Variants in PCDHGA8 observed in about 807,000 individuals in gnomAD.
PCDHGA8 encodes protocadherin gamma-A8.
A neutral mutation model predicts 59.2 loss-of-function variants in PCDHGA8; 45 were observed. The observed-to-expected ratio is 0.76, with a 90% CI of 0.60 to 0.98. The LOEUF is 0.98. Among genes scored for constraint, PCDHGA8 ranks in the 50% least tolerant of loss-of-function variants. The pLI, the probability that PCDHGA8 is intolerant of heterozygous loss-of-function variation, is 0.00. For missense variants in PCDHGA8, 1,257 were observed against 1,196.2 expected, an observed-to-expected ratio of 1.05 and a Z score of -0.75; for synonymous variants, 531 against 519.0, an observed-to-expected ratio of 1.02 and a Z score of -0.32.
At chr5:141,466,095 C>T (rs1170423552) in intron 1 of PCDHGA8, among the ~76,000 whole-genome samples, 1 of 152,038 alleles carries the variant, frequency 6.6e-6, no homozygotes, top group African/African-American at 2.4e-5. Flanking sequence ...GCACTCCAGC[C>T]TGGGCAACAG....
chr5:141,417,893 G>T (rs766340497), intron 1 of PCDHGA8: 2 of 1,572,670 alleles, frequency 1.3e-6, no homozygotes, highest in Admixed American at 1.9e-5. Flanking sequence ...GCGCCGGGCC[G>T]GCCCGCGGCA....
rs984222446 is a variant in PCDHGA8 at position 141,493,942 on chromosome 5, G to T, written c.2425-865G>T. ...ACACACCCCCTGGAAAGACCAGAAG[G>T]GACTCAGGAATGAAGTGGCTGGCCA... On this transcript the variant is annotated intron_variant, in intron 1 of 3. Transcript: ENST00000398604. The surrounding 1 kb of genome is among the most constrained non-coding windows in gnomAD (Gnocchi z 4.3). Among the ~76,000 whole-genome samples the T allele has an allele frequency of 1.3e-5, 2 of 152,168 alleles. No individual in the cohort carries two copies. Among genetic ancestry groups the T allele is most frequent in the Non-Finnish European group, 1.5e-5 (1 of 68,022 alleles).
In PCDHGA8 at chr5:141,432,958, A is replaced by C; in HGVS notation, c.2424+37721A>C. 6.2e-7 allele frequency: 1 copy of C among 1,614,182 alleles called. No individual in the cohort carries two copies. Among genetic ancestry groups the C allele is most frequent in the African/African-American group, 1.3e-5 (1 of 75,056 alleles). On this transcript the variant is annotated intron_variant, in intron 1 of 3. Transcript: ENST00000398604. This position sits in a 1 kb window ranked among gnomAD's most constrained non-coding sequence, Gnocchi z 6.0. ...TGCAGGCTTCAGGAGGCGGCTTGAC[A>C]GGAGCGCCGGCGTCGCACTTTGTGG...
chr5:141,509,873 G>C (rs2099878704), intron 3 of PCDHGA8, among the ~76,000 whole-genome samples: 1 of 152,196 alleles, frequency 6.6e-6, no homozygotes, highest in South Asian at 2.1e-4. Flanking sequence ...CAAGCTGCTG[G>C]TGGTGATGGT....
Position 141,399,846 on chromosome 5 carries a change from G to T in PCDHGA8, c.2424+4609G>T, listed in dbSNP as rs377634920. 19 of 1,612,980 alleles carry T rather than the reference G, an allele frequency of 1.2e-5. No homozygotes were observed. The highest frequency in any genetic ancestry group is 5.3e-5 in the African/African-American group (4 of 75,050). On this transcript the variant is annotated intron_variant, in intron 1 of 3. Transcript: ENST00000398604. ...CCGACGGCTCTGCGCTCTTCGATAT[G>T]GTGCCGCGCGCTGCAGAGCCCGGCT...
rs1201654822 is a variant in PCDHGA8, at chr5:141,476,876, C to T, written c.2425-17931C>T. ...CCAGTCCTTGTACCGGGCGCGCGTC[C>T]TGGAGGATGCACCCTCCGGCACGCG... On this transcript the variant is annotated intron_variant, in intron 1 of 3. Transcript: ENST00000398604. The surrounding 1 kb of genome is among the most constrained non-coding windows in gnomAD (Gnocchi z 7.6). 6.2e-7 allele frequency: 1 copy of T among 1,613,876 alleles called. No homozygotes were observed. The highest frequency in any genetic ancestry group is 1.7e-5 in the Admixed American group (1 of 60,018).
intron 1 of PCDHGA8, among the ~76,000 whole-genome samples, chr5:141,467,665 G>T (rs1205474808): frequency 4.6e-5 from 7 of 152,040 alleles, no homozygotes; most frequent in Non-Finnish European, 1.0e-4. Flanking sequence ...AGTGCCAGAA[G>T]ATTTTTATTT....
intron 1 of PCDHGA8, chr5:141,416,320 A>G (rs1482631457): frequency 1.3e-5 from 2 of 152,208 alleles, no homozygotes; most frequent in East Asian, 1.9e-4. Flanking sequence ...TAGCATTTTA[A>G]TTTAACTTTC....
Position 141,490,721 on chromosome 5 carries a change from T to C in PCDHGA8, c.2425-4086T>C, listed in dbSNP as rs779242781. On this transcript the variant is annotated intron_variant, in intron 1 of 3. Coordinates refer to ENST00000398604, the MANE Select transcript of PCDHGA8 (RefSeq NM_032088.2). This position sits in a 1 kb window ranked among gnomAD's most constrained non-coding sequence, Gnocchi z 5.4. The stretch of plus-strand genomic sequence containing the variant: ...AATGCCCGCCTCACCTACTCCATTG[T>C]AGGAAATCAGGTTCAGGGAGCCCCA... 23 of 1,614,056 alleles carry C rather than the reference T, an allele frequency of 1.4e-5. No individual in the cohort carries two copies. The highest frequency in any genetic ancestry group is 6.6e-5 in the South Asian group (6 of 91,080).
chr5:141,431,776 C>T lies in PCDHGA8; in HGVS notation c.2424+36539C>T. 6.2e-7 allele frequency: 1 copy of T among 1,614,228 alleles called. No individual in the cohort carries two copies. The stretch of plus-strand genomic sequence containing the variant: ...CCAAAGTCCTGATCACTGTTCTGGA[C>T]GTGAACGACAATGCCCCAGAAGTGG... On this transcript the variant is annotated intron_variant, in intron 1 of 3. Coordinates refer to ENST00000398604, the MANE Select transcript of PCDHGA8 (RefSeq NM_032088.2). The surrounding 1 kb of genome is among the most constrained non-coding windows in gnomAD (Gnocchi z 4.8).
intron 2 of PCDHGA8, among the ~76,000 whole-genome samples, chr5:141,501,306 C>T (rs1016823458): frequency 5.3e-5 from 8 of 151,412 alleles, no homozygotes; most frequent in Non-Finnish European, 8.8e-5. Context: ...CACACACACA[C>T]ACACACACAC....
rs779656906 is a variant in PCDHGA8 at position 141,476,872 on chromosome 5, C to T, written c.2425-17935C>T. On this transcript the variant is annotated intron_variant, in intron 1 of 3. Transcript: ENST00000398604. The surrounding 1 kb of genome is among the most constrained non-coding windows in gnomAD (Gnocchi z 7.6). ...TCAACCAGTCCTTGTACCGGGCGCG[C>T]GTCCTGGAGGATGCACCCTCCGGCA... 1.6e-4 allele frequency: 254 copies of T among 1,613,734 alleles called. No individual in the cohort carries two copies. The highest frequency in any genetic ancestry group is 2.1e-4 in the Non-Finnish European group (248 of 1,180,054).
rs1036126623 is a variant in PCDHGA8, at chr5:141,410,753, T to A, written c.2424+15516T>A. On this transcript the variant is annotated intron_variant, in intron 1 of 3. Transcript: ENST00000398604. ...AGCTTTTTACAATATTTTCTCAATG[T>A]TTTTTCAATTATAGTTTTCACTATG... 4.1e-6 allele frequency: 5 copies of A among 1,229,696 alleles called. No individual in the cohort carries two copies. In the African/African-American group the frequency reaches 6.1e-5, roughly 15 times the overall value. 76.2% of individuals were successfully genotyped at this position (1,229,696 alleles called of 1,614,324 possible). A position where few individuals can be genotyped will look rare whatever the true frequency, so the allele number is the denominator to read the frequency against.
intron 3 of PCDHGA8, among the ~76,000 whole-genome samples, chr5:141,509,685 A>G (rs923641083): frequency 6.6e-6 from 1 of 152,166 alleles, no homozygotes. Flanking sequence ...TCTTCTGTAC[A>G]GTGGGACGTT....
At chr5:141,397,216 T>C (rs772120141) in intron 1 of PCDHGA8, among the ~76,000 whole-genome samples, 32 of 152,186 alleles carry the variant, frequency 2.1e-4, no homozygotes, top group Non-Finnish European at 4.1e-4. Context: ...AGAGAAGTAT[T>C]TTGAGATATG....
chr5:141,465,454 T>G (rs1031876441), intron 1 of PCDHGA8, among the ~76,000 whole-genome samples: 1 of 152,184 alleles, frequency 6.6e-6, no homozygotes, highest in African/African-American at 2.4e-5. Context: ...AAGAAAACTC[T>G]CACCAAATTG....
At position 141,393,909 on chromosome 5, in the gene PCDHGA8, A is replaced by G. The variant is rs2092874602; in HGVS notation, c.1096A>G (p.Ile366Val). 6.2e-7 allele frequency: 1 copy of G among 1,613,980 alleles called. No homozygotes were observed. The highest frequency in any genetic ancestry group is 8.5e-7 in the Non-Finnish European group (1 of 1,179,884). Residue 366 changes from isoleucine to valine, a missense_variant, in exon 1 of 4, where the codon ATT becomes GTT. By Grantham distance (29) the Ile-to-Val change is conservative. Transcript: ENST00000398604. ...VLENSLPGTV[I>V]AFLSVHDQDS... Reference sequence around the variant, plus strand: ...AGAAAATTCTCTTCCCGGGACAGTAATTGCCTTCTTGAGTGTGCATGACCA... The same window carrying G: ...AGAAAATTCTCTTCCCGGGACAGTAGTTGCCTTCTTGAGTGTGCATGACCA...
At position 141,394,897 on chromosome 5, in the gene PCDHGA8, T is replaced by C. The variant is rs773335725; in HGVS notation, c.2084T>C (p.Val695Ala). Residue 695 changes from valine (V) to alanine (A), a missense_variant, in exon 1 of 4, where the codon GTG becomes GCG. Val to Ala is a moderately conservative substitution (Grantham distance 64). Coordinates refer to ENST00000398604, the MANE Select transcript of PCDHGA8 (RefSeq NM_032088.2). Reference protein sequence around the residue: ...NDSSLTLYLVVAVAAISCVFL... With the variant: ...NDSSLTLYLVAAVAAISCVFL... ...TCGAGCCTTACACTCTATCTCGTGG[T>C]GGCAGTGGCTGCCATCTCCTGTGTC... 3.1e-6 allele frequency: 5 copies of C among 1,613,682 alleles called. No homozygotes were observed. Among genetic ancestry groups the C allele is most frequent in the Non-Finnish European group, 4.2e-6 (5 of 1,179,888 alleles).
At chr5:141,413,329 A>G (rs762420040) in intron 1 of PCDHGA8, 1 of 1,613,966 alleles carries the variant, frequency 6.2e-7, no homozygotes, top group Non-Finnish European at 8.5e-7. Context: ...CGTGGGCAAC[A>G]TCTCCAAGGA....
Sources: gnomAD v4.1 joint callset for allele counts (sites outside exome capture counted in the v4.1 genomes callset) on GRCh38, gnomAD v4.1.1 for gene constraint, Gnocchi (gnomAD v3.1) non-coding constraint, MANE v1.5 for transcripts, NCBI Gene and HGNC (gene_info 2026-07-23, HGNC 2026-07-21) for gene names.